Variants in UBE2D3 observed in about 807,000 individuals in gnomAD.
UBE2D3 encodes the protein ubiquitin conjugating enzyme E2 D3, also known as ubiquitin-conjugating enzyme E2 D3.
In UBE2D3, 2 loss-of-function variants were observed where a neutral mutation model predicts 22.8. The ratio of observed to expected loss-of-function variants is 0.09; its 90% CI spans 0.04 to 0.28. The LOEUF is 0.28. Among genes scored for constraint, UBE2D3 ranks in the 10% least tolerant of loss-of-function variants. The pLI, the probability that UBE2D3 is intolerant of heterozygous loss-of-function variation, is 1.00. For synonymous variants in UBE2D3, 56 were observed against 60.4 expected, an observed-to-expected ratio of 0.93 and a Z score of 0.34; for missense variants, 27 against 182.5, an observed-to-expected ratio of 0.15 and a Z score of 4.91.
intron 4 of UBE2D3, among the ~76,000 whole-genome samples, chr4:102,807,766 C>T (rs1727295225): frequency 1.3e-5 from 2 of 152,086 alleles, no homozygotes; most frequent in Admixed American, 6.5e-5. Context: ...TAAGCAACAC[C>T]ATTCTCTAAA....
chr4:102,814,873 T>A (rs1728573567), intron 2 of UBE2D3, among the ~76,000 whole-genome samples: 1 of 152,180 alleles, frequency 6.6e-6, no homozygotes, highest in Non-Finnish European at 1.5e-5. Context: ...GATGCTCAGT[T>A]GTCTAAAAAT....
At chr4:102,822,251 C>A (rs559633159) in intron 2 of UBE2D3, among the ~76,000 whole-genome samples, 1 of 152,178 alleles carries the variant, frequency 6.6e-6, no homozygotes, top group Non-Finnish European at 1.5e-5. Context: ...TAAACAAATA[C>A]TGAGGTCCTA....
At chr4:102,807,534 C>A (rs1225026801) in intron 4 of UBE2D3, among the ~76,000 whole-genome samples, 1 of 152,088 alleles carries the variant, frequency 6.6e-6, no homozygotes, top group Non-Finnish European at 1.5e-5. Context: ...CAAAGCAAAA[C>A]CCAGCAGTTG....
upstream of UBE2D3, among the ~76,000 whole-genome samples, chr4:102,828,373 G>A (rs1001000680): frequency 6.6e-6 from 1 of 152,116 alleles, no homozygotes; most frequent in South Asian, 2.1e-4. Flanking sequence ...GGGAGGAGGC[G>A]CCCCTCGAGA....
chr4:102,807,524 C>G (rs1270744990), intron 4 of UBE2D3, among the ~76,000 whole-genome samples: 1 of 151,988 alleles, frequency 6.6e-6, no homozygotes, highest in Non-Finnish European at 1.5e-5. Context: ...GTACTGCTAC[C>G]AAAGCAAAAC....
intron 4 of UBE2D3, 168 bp downstream of exon 4, chr4:102,809,503 CA>C (rs1727618372): frequency 1.4e-6 from 1 of 727,612 alleles, no homozygotes; most frequent in Non-Finnish European, 2.2e-6. Context: ...GTACACGTAA[CA>C]AATGACTAAC....
chr4:102,825,510 G>C, intron 2 of UBE2D3: 2 of 1,171,394 alleles, frequency 1.7e-6, no homozygotes, highest in South Asian at 1.7e-5. Context: ...GAAAGAGCCT[G>C]AACCAGTTAA....
At chr4:102,868,686 G>C (rs1362869261) in intron 1 of UBE2D3, 1 of 1,613,736 alleles carries the variant, frequency 6.2e-7, no homozygotes, top group East Asian at 2.2e-5. Flanking sequence ...GGGCGAGAGG[G>C]GACGAAGTAG....
chr4:102,808,307 T>C (rs779927727), intron 4 of UBE2D3, among the ~76,000 whole-genome samples: 4 of 152,212 alleles, frequency 2.6e-5, no homozygotes, highest in African/African-American at 7.2e-5. Flanking sequence ...TGGGCCAAAC[T>C]GGGTAACTCA....
intron 2 of UBE2D3, among the ~76,000 whole-genome samples, chr4:102,818,290 G>C (rs965599937): frequency 6.6e-6 from 1 of 152,194 alleles, no homozygotes; most frequent in Non-Finnish European, 1.5e-5. Flanking sequence ...CTTTTCCACA[G>C]AGTGCTCTTT....
At chr4:102,827,980 G>C (rs958977954), upstream of UBE2D3, 1 of 985,472 alleles carries the variant, frequency 1.0e-6, no homozygotes, top group Non-Finnish European at 1.2e-6. Context: ...AGAACTTCGT[G>C]GCTGGCTAAC....
intron 2 of UBE2D3, chr4:102,825,315 C>T (rs1730285185): frequency 1.3e-5 from 13 of 988,620 alleles, no homozygotes; most frequent in Admixed American, 6.1e-5. Flanking sequence ...AACACTCCAC[C>T]CTCTTCGATT....
intron 1 of UBE2D3, among the ~76,000 whole-genome samples, chr4:102,859,861 T>C (rs958902850): frequency 2.0e-5 from 3 of 151,488 alleles, no homozygotes; most frequent in African/African-American, 7.3e-5. Flanking sequence ...GTTTTTTTTT[T>C]TTGATATGGA....
intron 1 of UBE2D3, among the ~76,000 whole-genome samples, chr4:102,850,847 CATT>C (rs1339647399): frequency 6.6e-6 from 1 of 151,558 alleles, no homozygotes; most frequent in South Asian, 2.1e-4. Flanking sequence ...AACCAAACAT[CATT>C]ATGTTCTCAC....
intron 1 of UBE2D3, among the ~76,000 whole-genome samples, chr4:102,834,349 A>G (rs1731273306): frequency 6.6e-6 from 1 of 152,134 alleles, no homozygotes; most frequent in Non-Finnish European, 1.5e-5. Flanking sequence ...CTAGCAGGGA[A>G]ACCATGGGTA....
chr4:102,809,400 G>C, intron 4 of UBE2D3: 1 of 441,930 alleles, frequency 2.3e-6, no homozygotes, highest in South Asian at 2.4e-5. Context: ...TTTACACAGT[G>C]CTATGTAGAA....
intron 1 of UBE2D3, among the ~76,000 whole-genome samples, chr4:102,865,412 A>G (rs1230502438): frequency 6.6e-5 from 10 of 151,696 alleles, no homozygotes; most frequent in Non-Finnish European, 1.2e-4. Context: ...GGATCACTTG[A>G]ACCTGGGAGG....
chr4:102,827,887 A>G, upstream of UBE2D3: 2 of 985,680 alleles, frequency 2.0e-6, no homozygotes, highest in East Asian at 1.1e-4. Context: ...TAAAGGAAGC[A>G]GCCGCTGCGC....
intron 6 of UBE2D3, among the ~76,000 whole-genome samples, chr4:102,800,267 G>A (rs535093475): frequency 6.7e-6 from 1 of 149,368 alleles, no homozygotes; most frequent in South Asian, 2.1e-4. Context: ...AGACAACACT[G>A]TCACATATTT....
Sources: gnomAD v4.1 joint callset for allele counts (sites outside exome capture counted in the v4.1 genomes callset) on GRCh38, gnomAD v4.1.1 for gene constraint, MANE v1.5 for transcripts, NCBI Gene and HGNC (gene_info 2026-07-23, HGNC 2026-07-21) for gene names.